Variants in CMIP observed in about 807,000 individuals in gnomAD.
CMIP encodes the protein C-Maf-inducing protein.
CMIP carries 13 observed loss-of-function variants against 97.3 expected under a neutral mutation model. That is an observed-to-expected ratio of 0.13 (90% confidence interval 0.09 to 0.21). The LOEUF is 0.21. CMIP is among the 10% of genes least tolerant of loss of function. The pLI, the probability that CMIP is intolerant of heterozygous loss-of-function variation, is 1.00. For missense variants in CMIP, 847 were observed against 1,024.9 expected (o/e 0.83, Z 2.37); for synonymous variants, 538 against 436.3 (o/e 1.23, Z -2.91).
chr16:81,532,864 C>A (rs2090266651), intron 1 of CMIP, among the ~76,000 whole-genome samples: 1 of 152,228 alleles, frequency 6.6e-6, no homozygotes, highest in Admixed American at 6.5e-5. Context: ...GCCCAGACAG[C>A]ATGGCAAGTG....
At chr16:81,646,010 A>G (rs1485005614) in intron 3 of CMIP, among the ~76,000 whole-genome samples, 2 of 152,038 alleles carry the variant, frequency 1.3e-5, no homozygotes, top group African/African-American at 4.8e-5. Context: ...TTGGCACGTC[A>G]TAGTAGATCT....
intron 1 of CMIP, among the ~76,000 whole-genome samples, chr16:81,491,397 G>T (rs2089403714): frequency 6.6e-6 from 1 of 152,176 alleles, no homozygotes; most frequent in South Asian, 2.1e-4. Context: ...AAAACTCCCT[G>T]CCCTGCTTCC....
At chr16:81,688,812 C>G (rs1905719046) in intron 10 of CMIP, among the ~76,000 whole-genome samples, 1 of 152,138 alleles carries the variant, frequency 6.6e-6, no homozygotes, top group Admixed American at 6.6e-5. Flanking sequence ...TCCCTCCTCC[C>G]CCAACCCCAC....
intron 3 of CMIP, among the ~76,000 whole-genome samples, chr16:81,640,524 C>A (rs1219262025): frequency 6.6e-6 from 1 of 152,208 alleles, no homozygotes; most frequent in African/African-American, 2.4e-5. Flanking sequence ...TGACAAATTT[C>A]CGTAAACTGT....
chr16:81,526,348 G>T (rs932653063), intron 1 of CMIP, among the ~76,000 whole-genome samples: 1 of 152,156 alleles, frequency 6.6e-6, no homozygotes, highest in Admixed American at 6.5e-5. Flanking sequence ...TTTCCATGAC[G>T]GCTGTAGGCA....
At chr16:81,475,766 A>G (rs756778443) in intron 1 of CMIP, among the ~76,000 whole-genome samples, 36 of 152,168 alleles carry the variant, frequency 2.4e-4, no homozygotes, top group Non-Finnish European at 4.4e-4. Flanking sequence ...CAGGTGGATC[A>G]TGAGGTCAGG....
intron 9 of CMIP, among the ~76,000 whole-genome samples, chr16:81,675,903 G>A (rs535913013): frequency 7.9e-5 from 12 of 152,226 alleles, no homozygotes; most frequent in African/African-American, 4.8e-5. Flanking sequence ...GCTCCCAGGC[G>A]AAGCTGCAGG....
At chr16:81,706,964 A>G (rs756113661) in intron 19 of CMIP, 50 bp from the exon 20 acceptor site, 2 of 1,551,778 alleles carry the variant, frequency 1.3e-6, no homozygotes. Context: ...CCATACCTTC[A>G]TACCTTTGGG....
At position 81,626,450 on chromosome 16, in the gene CMIP, AGT is replaced by A. The variant is rs72237457; in HGVS notation, c.477+5535_477+5536del. On this transcript the variant is annotated intron_variant, in intron 3 of 20. Transcript: ENST00000537098. ...TGGGGTGTGGGATGACTATCTTATG[AGT>A]GTGTGTGTGTATGTGTGGCATGTGG... is the stretch of plus-strand genomic sequence containing the variant. 9.1e-4 allele frequency among the ~76,000 whole-genome samples: 130 copies of A among 142,132 alleles called. 2 individuals carry two copies. Among genetic ancestry groups the A allele is most frequent in the African/African-American group, 3.4e-3 (126 of 36,606 alleles). 93.2% of individuals were successfully genotyped at this position (142,132 alleles called of 152,430 possible).
At chr16:81,589,430 C>G (rs146984457) in intron 1 of CMIP, among the ~76,000 whole-genome samples, 87 of 151,988 alleles carry the variant, frequency 5.7e-4, no homozygotes, top group African/African-American at 2.0e-3. Flanking sequence ...ATATTCATGA[C>G]AATAGTAACT....
intron 1 of CMIP, among the ~76,000 whole-genome samples, chr16:81,446,858 C>A (rs1043111377): frequency 8.4e-6 from 1 of 119,736 alleles, no homozygotes; most frequent in African/African-American, 3.2e-5. Flanking sequence ...CCACCCCCCA[C>A]CCCAGAGCGT....
At chr16:81,503,586 C>T (rs547506914) in intron 1 of CMIP, among the ~76,000 whole-genome samples, 1 of 152,252 alleles carries the variant, frequency 6.6e-6, no homozygotes, top group African/African-American at 2.4e-5. Context: ...TTTGTACAGA[C>T]AGGTCTCTCT....
chr16:81,514,076 G>A (rs1230618289), intron 1 of CMIP, among the ~76,000 whole-genome samples: 2 of 152,196 alleles, frequency 1.3e-5, no homozygotes, highest in African/African-American at 4.8e-5. Flanking sequence ...CTTTGTTGAT[G>A]TCCAGTGAAT....
At chr16:81,571,785 G>A (rs561979179) in intron 1 of CMIP, among the ~76,000 whole-genome samples, 8 of 152,054 alleles carry the variant, frequency 5.3e-5, no homozygotes, top group Non-Finnish European at 8.8e-5. Flanking sequence ...ACCCTGCCTC[G>A]ACCGTGCGCG....
chr16:81,654,506 C>G (rs914957203), intron 4 of CMIP, among the ~76,000 whole-genome samples: 6 of 152,188 alleles, frequency 3.9e-5, no homozygotes, highest in Admixed American at 1.3e-4. Context: ...TGCTTTGAAG[C>G]TACTGTGTCA....
chr16:81,645,568 A>G (rs1227451263), intron 3 of CMIP: 13 of 1,536,014 alleles, frequency 8.5e-6, no homozygotes, highest in Non-Finnish European at 1.1e-5. Context: ...CTCTGCTGAC[A>G]GTTGCCAGAG....
intron 1 of CMIP, chr16:81,476,151 G>A (rs141387020): frequency 6.0e-5 from 65 of 1,091,412 alleles, no homozygotes; most frequent in East Asian, 4.1e-4. Context: ...ACGTGCTTGC[G>A]TTCAACCACT....
chr16:81,653,130 C>T (rs1193052258), intron 4 of CMIP, among the ~76,000 whole-genome samples: 1 of 152,200 alleles, frequency 6.6e-6, no homozygotes, highest in African/African-American at 2.4e-5. Flanking sequence ...ATTAATACTG[C>T]TCTCGTTTAT....
chr16:81,551,875 G>T (rs542014220), intron 1 of CMIP, among the ~76,000 whole-genome samples: 1 of 152,316 alleles, frequency 6.6e-6, no homozygotes, highest in African/African-American at 2.4e-5. Context: ...GATGGGTGAG[G>T]CTCTGCTGCT....
Sources: allele counts gnomAD v4.1 joint callset (sites outside exome capture counted in the v4.1 genomes callset), GRCh38; gene constraint gnomAD v4.1.1; transcripts MANE v1.5; gene names NCBI Gene and HGNC (gene_info 2026-07-23, HGNC 2026-07-21).